Variants in PDCD1LG2 observed in about 807,000 individuals in gnomAD.
The protein encoded by PDCD1LG2 is programmed cell death 1 ligand 2, also known as B7 dendritic cell molecule.
A neutral mutation model predicts 28.2 loss-of-function variants in PDCD1LG2; 32 were observed. That is an observed-to-expected ratio of 1.13 (90% CI 0.86 to 1.52). The LOEUF is 1.52. PDCD1LG2 is among the 40% of genes most tolerant of loss of function. The pLI is 0.00. For synonymous variants in PDCD1LG2, 116 were observed against 120.2 expected, an observed-to-expected ratio of 0.97 and a Z score of 0.23; for missense variants, 385 against 323.8, an observed-to-expected ratio of 1.19 and a Z score of -1.45.
At chr9:5,558,431 G>C (rs1008102989) in intron 5 of PDCD1LG2, among the ~76,000 whole-genome samples, 50 of 152,064 alleles carry the variant, frequency 3.3e-4, no homozygotes, top group Admixed American at 2.9e-3. Flanking sequence ...TGGTTTCCTG[G>C]GTGGAGCCTG....
chr9:5,551,506 A>G (rs1816332840), intron 4 of PDCD1LG2, among the ~76,000 whole-genome samples: 1 of 152,222 alleles, frequency 6.6e-6, no homozygotes, highest in Non-Finnish European at 1.5e-5. Flanking sequence ...CAGCCTCCTA[A>G]GATGTCTACT....
rs1416201152 is a variant in PDCD1LG2, at chr9:5,534,118, T to TTACC, written c.56-621_56-618dup. Among the ~76,000 whole-genome samples, 3 of 152,226 alleles carry TTACC rather than the reference T, an allele frequency of 2.0e-5. No individual in the cohort carries two copies. The East Asian group carries it at 5.8e-4, about 29-fold the overall frequency. ...TTCTGAAAAAAAGGATAGAATATTATTACCTACCTTGCTGGCTTCTGGGAA... is the reference window on the plus strand; with the variant it reads ...TTCTGAAAAAAAGGATAGAATATTATTACCTACCTACCTTGCTGGCTTCTGGGAA... On this transcript the variant is annotated intron_variant, in intron 2 of 6. Transcript: ENST00000397747.
chr9:5,547,763 C>A (rs1816241477), intron 3 of PDCD1LG2, among the ~76,000 whole-genome samples: 1 of 151,514 alleles, frequency 6.6e-6, no homozygotes, highest in Non-Finnish European at 1.5e-5. Context: ...ATGGTGAAAC[C>A]CCATCTCTAC....
At chr9:5,524,873 C>G (rs1244274276) in intron 2 of PDCD1LG2, among the ~76,000 whole-genome samples, 1 of 152,078 alleles carries the variant, frequency 6.6e-6, no homozygotes, top group East Asian at 1.9e-4. Flanking sequence ...CACTCAGTGC[C>G]TGAGACAGAG....
intron 1 of PDCD1LG2, among the ~76,000 whole-genome samples, chr9:5,521,543 G>A (rs1820274683): frequency 6.6e-6 from 1 of 152,060 alleles, no homozygotes; most frequent in South Asian, 2.1e-4. Flanking sequence ...CAGCATTTCT[G>A]CAAACACATT....
chr9:5,548,391 C>T (rs973171593), intron 3 of PDCD1LG2, among the ~76,000 whole-genome samples: 1 of 152,136 alleles, frequency 6.6e-6, no homozygotes, highest in Non-Finnish European at 1.5e-5. Flanking sequence ...TTTCTTTATT[C>T]ATTCTCTGTT....
At chr9:5,549,202 G>A in intron 3 of PDCD1LG2, 133 bp from the exon 4 acceptor site, 1 of 826,564 alleles carries the variant, frequency 1.2e-6, no homozygotes, top group Non-Finnish European at 1.9e-6. Context: ...GATATACAAT[G>A]TGTTTACAAA....
intron 4 of PDCD1LG2, among the ~76,000 whole-genome samples, 153 bp downstream of exon 4, chr9:5,549,757 C>T (rs999434609): frequency 6.6e-6 from 1 of 152,196 alleles, no homozygotes; most frequent in Non-Finnish European, 1.5e-5. Flanking sequence ...GTGCAGAACA[C>T]TGGGGCTTCA....
At chr9:5,539,540 G>A (rs770979935) in intron 3 of PDCD1LG2, among the ~76,000 whole-genome samples, 1 of 152,236 alleles carries the variant, frequency 6.6e-6, no homozygotes, top group Non-Finnish European at 1.5e-5. Context: ...AATGACCGGA[G>A]ATTCTGGAAG....
Position 5,563,153 on chromosome 9 carries a change from C to T in PDCD1LG2, c.767-9C>T, listed in dbSNP as rs2129946509. On this transcript the variant is annotated splice_polypyrimidine_tract_variant and intron_variant, in intron 5 of 6. Coordinates refer to ENST00000397747, the MANE Select transcript of PDCD1LG2 (RefSeq NM_025239.4). ...ATCTTATTCCATTTCTGGAATTTTT[C>T]CTTTTCAGACACAACAAAAAGACCT... is the stretch of plus-strand genomic sequence containing the variant. 1.9e-6 allele frequency: 3 copies of T among 1,604,736 alleles called. No homozygotes were observed.
intron 2 of PDCD1LG2, among the ~76,000 whole-genome samples, chr9:5,532,583 C>T (rs1489399198): frequency 6.6e-6 from 1 of 152,150 alleles, no homozygotes; most frequent in Non-Finnish European, 1.5e-5. Context: ...CAAACTCAGC[C>T]TGGTCTTTGC....
intron 3 of PDCD1LG2, among the ~76,000 whole-genome samples, chr9:5,536,987 G>A (rs769671580): frequency 2.6e-5 from 4 of 152,184 alleles, no homozygotes; most frequent in Non-Finnish European, 5.9e-5. Flanking sequence ...ACCCTCTATA[G>A]TGTTAAATAA....
intron 2 of PDCD1LG2, among the ~76,000 whole-genome samples, chr9:5,527,307 C>G (rs1011267176): frequency 6.6e-6 from 1 of 152,126 alleles, no homozygotes; most frequent in Non-Finnish European, 1.5e-5. Context: ...AACAAACAAA[C>G]AAAAAGCTTC....
At chr9:5,557,246 TTAGATGATAGA>T (rs1372271900) in intron 4 of PDCD1LG2, among the ~76,000 whole-genome samples, 1 of 142,030 alleles carries the variant, frequency 7.0e-6, no homozygotes, top group Non-Finnish European at 1.5e-5. Context: ...AGAAAGATGA[TTAGATGATAGA>T]TGGATGGATT....
intron 4 of PDCD1LG2, among the ~76,000 whole-genome samples, chr9:5,552,749 T>C (rs553004681): frequency 6.6e-6 from 1 of 152,294 alleles, no homozygotes; most frequent in East Asian, 1.9e-4. Context: ...TTCCTGGTAT[T>C]TTCTTCTGGA....
chr9:5,563,238 T>A (rs1467860635), intron 6 of PDCD1LG2, 27 bp downstream of exon 6: 1 of 1,575,592 alleles, frequency 6.3e-7, no homozygotes. Context: ...TTTACTTTTC[T>A]TTCTTACTTT....
At chr9:5,539,407 T>C (rs924820492) in intron 3 of PDCD1LG2, among the ~76,000 whole-genome samples, 11 of 152,202 alleles carry the variant, frequency 7.2e-5, no homozygotes, top group African/African-American at 1.9e-4. Context: ...AAGTGCCTGA[T>C]CCATGGCATA....
chr9:5,536,288 A>G (rs77418130), intron 3 of PDCD1LG2, among the ~76,000 whole-genome samples: 2,392 of 152,306 alleles, frequency 0.016, 65 homozygotes, highest in African/African-American at 0.054. Flanking sequence ...ATGAACATAA[A>G]GAACTGAGCA....
intron 1 of PDCD1LG2, among the ~76,000 whole-genome samples, chr9:5,521,722 T>C (rs1158742083): frequency 6.6e-6 from 1 of 152,186 alleles, no homozygotes; most frequent in Non-Finnish European, 1.5e-5. Flanking sequence ...AGCTCTGCTG[T>C]TGCCTGATTT....
Sources: gnomAD v4.1 joint callset for allele counts (sites outside exome capture counted in the v4.1 genomes callset) on GRCh38, gnomAD v4.1.1 for gene constraint, MANE v1.5 for transcripts, NCBI Gene and HGNC (gene_info 2026-07-23, HGNC 2026-07-21) for gene names.